The following ERC2 variants were observed in gnomAD, a reference collection of about 807,000 sequenced individuals.
The protein encoded by ERC2 is ERC protein 2.
Under a neutral mutation model 114.8 loss-of-function variants are expected in ERC2, and 42 were observed. That is an observed-to-expected ratio of 0.37 (90% CI 0.29 to 0.47). The LOEUF is 0.47. Among genes scored for constraint, ERC2 ranks in the 20% least tolerant of loss-of-function variants. The pLI, the probability that ERC2 is intolerant of heterozygous loss-of-function variation, is 0.99. For synonymous variants in ERC2, 454 were observed against 425.5 expected (o/e 1.07, Z -0.82); for missense variants, 939 against 1,150.7 (o/e 0.82, Z 2.66).
intron 17 of ERC2, among the ~76,000 whole-genome samples, chr3:55,533,694 A>G (rs1446318791): frequency 6.6e-6 from 1 of 152,164 alleles, no homozygotes; most frequent in African/African-American, 2.4e-5. Flanking sequence ...CCAGCAAACC[A>G]AACAGCAACA....
chr3:55,646,805 A>G (rs753772956), intron 17 of ERC2, among the ~76,000 whole-genome samples: 1 of 152,216 alleles, frequency 6.6e-6, no homozygotes. Flanking sequence ...ATAATAAATG[A>G]ATCCCCATTT....
chr3:55,994,012 A>T (rs889907186), intron 10 of ERC2, among the ~76,000 whole-genome samples: 7 of 152,168 alleles, frequency 4.6e-5, no homozygotes, highest in Non-Finnish European at 7.4e-5. Context: ...TATTTGTGAC[A>T]ATATGAATCA....
chr3:55,642,310 G>A (rs146786687), intron 17 of ERC2, among the ~76,000 whole-genome samples: 3 of 150,780 alleles, frequency 2.0e-5, no homozygotes, highest in African/African-American at 7.3e-5. Context: ...GCTTTCCACA[G>A]ATCACAGCTT....
chr3:55,984,540 T>C (rs2070435419), intron 12 of ERC2, among the ~76,000 whole-genome samples: 1 of 152,048 alleles, frequency 6.6e-6, no homozygotes. Context: ...ATCAAAAACT[T>C]GGAGAAAAGG....
chr3:56,400,778 T>C (rs2060490442), intron 2 of ERC2, among the ~76,000 whole-genome samples: 1 of 152,216 alleles, frequency 6.6e-6, no homozygotes, highest in Non-Finnish European at 1.5e-5. Flanking sequence ...GGCCCAGATT[T>C]TAGTCTGATA....
chr3:55,822,307 A>T (rs1559711851), intron 14 of ERC2, among the ~76,000 whole-genome samples: 1 of 152,186 alleles, frequency 6.6e-6, no homozygotes, highest in Non-Finnish European at 1.5e-5. Flanking sequence ...CACTTATTCT[A>T]AAAAGACTTA....
chr3:55,760,839 C>T (rs182736210), intron 14 of ERC2, among the ~76,000 whole-genome samples: 1 of 152,192 alleles, frequency 6.6e-6, no homozygotes, highest in East Asian at 1.9e-4. Flanking sequence ...AAATGAAATA[C>T]GGCAAATGTT....
intron 14 of ERC2, among the ~76,000 whole-genome samples, chr3:55,808,982 AAC>A (rs1243134996): frequency 6.6e-6 from 1 of 151,754 alleles, no homozygotes; most frequent in Admixed American, 6.6e-5. Flanking sequence ...AAATGGTATG[AAC>A]AAGTAAGATA....
chr3:55,644,268 A>T (rs2060303730), intron 17 of ERC2, among the ~76,000 whole-genome samples: 2 of 152,220 alleles, frequency 1.3e-5, no homozygotes, highest in African/African-American at 4.8e-5. Flanking sequence ...AATAGAAAAC[A>T]CGTCAAAAGT....
At chr3:55,651,916 G>C (rs984145964) in intron 17 of ERC2, among the ~76,000 whole-genome samples, 6 of 152,208 alleles carry the variant, frequency 3.9e-5, no homozygotes, top group African/African-American at 1.4e-4. Flanking sequence ...GAATGCTGTT[G>C]CATTTCATTT....
chr3:56,221,632 C>T (rs771217070), intron 3 of ERC2, among the ~76,000 whole-genome samples: 4 of 152,208 alleles, frequency 2.6e-5, no homozygotes, highest in Admixed American at 1.3e-4. Flanking sequence ...CAGCCGGGCA[C>T]AGTGGCTCAC....
intron 14 of ERC2, among the ~76,000 whole-genome samples, chr3:55,777,928 GT>G (rs952911577): frequency 2.0e-5 from 3 of 152,028 alleles, no homozygotes; most frequent in African/African-American, 7.2e-5. Context: ...ATTTTGTTAG[GT>G]TTTTTATTTT....
At chr3:55,675,898 TCTTTC>T (rs141054286) in intron 17 of ERC2, among the ~76,000 whole-genome samples, 2,895 of 96,662 alleles carry the variant, frequency 0.03, 286 homozygotes, top group Non-Finnish European at 0.049. Context: ...CTTTCTCTTT[TCTTTC>T]TTTTTTTTTT....
chr3:56,312,679 G>T (rs2056649179), intron 2 of ERC2, among the ~76,000 whole-genome samples: 1 of 150,632 alleles, frequency 6.6e-6, no homozygotes, highest in Non-Finnish European at 1.5e-5. Flanking sequence ...AAACTGTTTT[G>T]CTCATTTGTG....
chr3:56,040,461 G>T (rs2075062947), intron 7 of ERC2, among the ~76,000 whole-genome samples: 1 of 149,998 alleles, frequency 6.7e-6, no homozygotes, highest in African/African-American at 2.5e-5. Flanking sequence ...AGCCTCCTCT[G>T]AGTAGCTGGG....
At chr3:56,035,563 C>T (rs1308602675) in intron 7 of ERC2, among the ~76,000 whole-genome samples, 1 of 152,142 alleles carries the variant, frequency 6.6e-6, no homozygotes, top group African/African-American at 2.4e-5. Context: ...GAAGGTTCTG[C>T]CCTTATGAAT....
intron 3 of ERC2, among the ~76,000 whole-genome samples, chr3:56,229,153 C>A (rs1177229680): frequency 6.6e-6 from 1 of 152,158 alleles, no homozygotes; most frequent in Non-Finnish European, 1.5e-5. Context: ...GAGGATACAG[C>A]AGTGAACAAA....
At position 55,955,048 on chromosome 3, in the gene ERC2, G is replaced by A; in HGVS notation, c.2268-4488C>T. ...CTGTTACTCAAAAAAGCAGGTAGCA[G>A]AAATATAAATAATACATATAGTCTG... On this transcript the variant is annotated intron_variant, in intron 12 of 17. Transcript: ENST00000288221. 3 of 427,658 alleles carry A rather than the reference G, an allele frequency of 7.0e-6. 1 individual carries two copies. The highest frequency in any genetic ancestry group is 6.8e-4 in the Middle Eastern group (2 of 2,936). The allele number at this position is 427,658 out of a possible 1,614,324, so 26.5% of individuals were successfully genotyped here.
chr3:55,717,796 C>T (rs553437502), intron 15 of ERC2, among the ~76,000 whole-genome samples: 1 of 152,198 alleles, frequency 6.6e-6, no homozygotes, highest in African/African-American at 2.4e-5. Flanking sequence ...AAGTTAGACC[C>T]AAGCCTTGAC....
Sources: allele counts gnomAD v4.1 joint callset (sites outside exome capture counted in the v4.1 genomes callset), GRCh38; gene constraint gnomAD v4.1.1; transcripts MANE v1.5; gene names NCBI Gene and HGNC (gene_info 2026-07-23, HGNC 2026-07-21).